Variants in DROSHA observed in about 807,000 individuals in gnomAD.
DROSHA encodes drosha ribonuclease III, also known as ribonuclease 3.
A neutral mutation model predicts 181.9 loss-of-function variants in DROSHA; 56 were observed. That is an observed-to-expected ratio of 0.31 (90% CI 0.25 to 0.38). The LOEUF (loss-of-function observed/expected upper bound fraction) is 0.38. Ranked by LOEUF, DROSHA falls within the 10% of genes least tolerant of loss-of-function variation. The pLI is 1.00. For synonymous variants in DROSHA, 524 were observed against 591.2 expected, an observed-to-expected ratio of 0.89 and a Z score of 1.65; for missense variants, 1,218 against 1,743.5, an observed-to-expected ratio of 0.70 and a Z score of 5.37.
chr5:31,493,097 A>C, intron 13 of DROSHA, 110 bp downstream of exon 13: 1 of 1,104,214 alleles, frequency 9.1e-7, no homozygotes. Flanking sequence ...AGAGGGATGC[A>C]GAGGAAATGT....
chr5:31,520,166 AATT>A (rs1316539102), intron 6 of DROSHA, among the ~76,000 whole-genome samples: 1 of 151,992 alleles, frequency 6.6e-6, no homozygotes, highest in African/African-American at 2.4e-5. Context: ...TCTTGTGTGA[AATT>A]ATTTTTGTTT....
In DROSHA at chr5:31,401,543, G is replaced by A. The variant is rs1292756024; in HGVS notation, c.4014C>T (p.Ala1338=). The stretch of plus-strand genomic sequence containing the variant: ...TCCGTTCGATGAACCGCTTCTGATG[G>A]GCCATCTGGGGAAAATTATCTGACA... ...ALEKYNFPQM[A]HQKRFIERKY... Residue 1338 remains alanine (A), a synonymous_variant, in exon 36 of 36, where the codon GCC becomes GCT. Transcript: ENST00000344624. 3 of 1,578,668 alleles carry A rather than the reference G, an allele frequency of 1.9e-6. No individual in the cohort carries two copies. Among genetic ancestry groups the A allele is most frequent in the South Asian group, 1.2e-5 (1 of 84,184 alleles).
chr5:31,444,840 C>T (rs1746059281), intron 23 of DROSHA, among the ~76,000 whole-genome samples: 1 of 152,202 alleles, frequency 6.6e-6, no homozygotes, highest in African/African-American at 2.4e-5. Context: ...CATTTTCAAA[C>T]AAGAATTTTA....
chr5:31,462,921 C>T (rs567166795), intron 20 of DROSHA, among the ~76,000 whole-genome samples: 3 of 152,204 alleles, frequency 2.0e-5, no homozygotes, highest in African/African-American at 7.2e-5. Context: ...GTTCTTAATG[C>T]TCAACAGTTT....
chr5:31,465,667 C>G (rs496979), intron 19 of DROSHA, among the ~76,000 whole-genome samples: 25,694 of 151,978 alleles, frequency 0.17, 5,059 homozygotes, highest in African/African-American at 0.48. Flanking sequence ...GAGGTTTTTG[C>G]GTCATGGGTG....
At chr5:31,492,341 A>G (rs1231323963) in intron 13 of DROSHA, among the ~76,000 whole-genome samples, 1 of 152,234 alleles carries the variant, frequency 6.6e-6, no homozygotes, top group Non-Finnish European at 1.5e-5. Context: ...GGCTAAGCTA[A>G]GGCAAAGATT....
At chr5:31,462,234 T>C (rs1303420477) in intron 20 of DROSHA, among the ~76,000 whole-genome samples, 1 of 152,160 alleles carries the variant, frequency 6.6e-6, no homozygotes, top group Non-Finnish European at 1.5e-5. Flanking sequence ...ATTTACATGC[T>C]TTATCAAGTC....
At chr5:31,424,880 A>AT (rs559531469) in intron 27 of DROSHA, among the ~76,000 whole-genome samples, 2 of 152,148 alleles carry the variant, frequency 1.3e-5, no homozygotes, top group Admixed American at 6.5e-5. Flanking sequence ...GCACTAATTC[A>AT]TTATCATATG....
chr5:31,410,676 G>A (rs1741200780), intron 31 of DROSHA, 70 bp downstream of exon 31: 1 of 1,514,138 alleles, frequency 6.6e-7, no homozygotes, highest in Non-Finnish European at 8.9e-7. Context: ...TAATGAGGAG[G>A]AGGACAAATA....
intron 11 of DROSHA, among the ~76,000 whole-genome samples, chr5:31,503,561 C>T (rs1423118952): frequency 6.6e-6 from 1 of 152,186 alleles, no homozygotes; most frequent in Non-Finnish European, 1.5e-5. Flanking sequence ...TCCTGGGGTA[C>T]TTTGCTCTGG....
At chr5:31,462,630 T>G (rs1430577744) in intron 20 of DROSHA, among the ~76,000 whole-genome samples, 1 of 110,134 alleles carries the variant, frequency 9.1e-6, no homozygotes, top group African/African-American at 3.7e-5. Context: ...CACTCTTGTT[T>G]GCTTCACAAA....
At chr5:31,459,798 G>A (rs1382945594) in intron 20 of DROSHA, among the ~76,000 whole-genome samples, 1 of 152,154 alleles carries the variant, frequency 6.6e-6, no homozygotes, top group Non-Finnish European at 1.5e-5. Context: ...TCATTAATTA[G>A]TCCAAATACA....
chr5:31,458,133 T>A (rs1747885103), intron 20 of DROSHA, among the ~76,000 whole-genome samples: 1 of 152,234 alleles, frequency 6.6e-6, no homozygotes, highest in Non-Finnish European at 1.5e-5. Flanking sequence ...TAATTCAGTA[T>A]GCTTCTTGAC....
intron 23 of DROSHA, among the ~76,000 whole-genome samples, chr5:31,437,746 A>G (rs1407479420): frequency 6.6e-6 from 1 of 152,140 alleles, no homozygotes; most frequent in African/African-American, 2.4e-5. Context: ...GTCCTTCAAA[A>G]TAAGTGTAAT....
chr5:31,512,687 G>A (rs1041360513), intron 8 of DROSHA, among the ~76,000 whole-genome samples: 8 of 152,168 alleles, frequency 5.3e-5, no homozygotes, highest in African/African-American at 1.7e-4. Context: ...TTGCCAACAG[G>A]GGTCAGAGAT....
intron 2 of DROSHA, among the ~76,000 whole-genome samples, 200 bp from the exon 3 acceptor site, chr5:31,531,124 T>A (rs750018094): frequency 6.6e-6 from 1 of 152,166 alleles, no homozygotes; most frequent in Non-Finnish European, 1.5e-5. Flanking sequence ...ACACACAGCC[T>A]GTAGGATTCA....
chr5:31,479,140 A>G (rs1750730225), intron 16 of DROSHA, among the ~76,000 whole-genome samples: 4 of 152,222 alleles, frequency 2.6e-5, no homozygotes, highest in South Asian at 2.1e-4. Flanking sequence ...GAGTTTAAAA[A>G]AAAAAGGAAG....
At chr5:31,525,427 C>G (rs1243467427) in intron 5 of DROSHA, among the ~76,000 whole-genome samples, 4 of 148,410 alleles carry the variant, frequency 2.7e-5, no homozygotes, top group African/African-American at 7.5e-5. Flanking sequence ...TTGCTTGAAC[C>G]CAGGAGGTGG....
intron 30 of DROSHA, among the ~76,000 whole-genome samples, chr5:31,414,231 G>A (rs888489739): frequency 6.6e-6 from 1 of 152,162 alleles, no homozygotes; most frequent in African/African-American, 2.4e-5. Context: ...ATTTTAGAAA[G>A]ATTGTTTTGG....
Sources: gnomAD v4.1 joint callset for allele counts (sites outside exome capture counted in the v4.1 genomes callset) on GRCh38, gnomAD v4.1.1 for gene constraint, MANE v1.5 for transcripts, NCBI Gene and HGNC (gene_info 2026-07-23, HGNC 2026-07-21) for gene names.